The following EYS variants were observed in gnomAD, a reference collection of about 807,000 sequenced individuals.
EYS encodes EGF-like photoreceptor maintenance factor.
A neutral mutation model predicts 282.1 loss-of-function variants in EYS; 250 were observed. The observed-to-expected ratio is 0.89, with a 90% confidence interval of 0.80 to 0.98. The LOEUF (loss-of-function observed/expected upper bound fraction) is 0.98. Among genes scored for constraint, EYS ranks in the 50% least tolerant of loss-of-function variants. The probability of loss-of-function intolerance (pLI) is 0.00; values close to 1 mark genes in which losing one functional copy is unlikely to be tolerated. For synonymous variants in EYS, 1,355 were observed against 1,282.9 expected (o/e 1.06, Z -1.20); for missense variants, 4,016 against 3,709.0 (o/e 1.08, Z -2.15).
At chr6:65,284,223 G>A (rs948064850) in intron 12 of EYS, among the ~76,000 whole-genome samples, 40 of 152,148 alleles carry the variant, frequency 2.6e-4, no homozygotes, top group African/African-American at 9.2e-4. Flanking sequence ...CCAGATAACA[G>A]AAAATCTATC....
At chr6:65,534,951 G>T (rs1041459576) in intron 2 of EYS, among the ~76,000 whole-genome samples, 1 of 152,014 alleles carries the variant, frequency 6.6e-6, no homozygotes, top group Admixed American at 6.6e-5. Flanking sequence ...TCTTTTACAC[G>T]CATCTCATTG....
intron 42 of EYS, 74 bp downstream of exon 42, chr6:63,726,443 GAC>G: frequency 7.9e-7 from 1 of 1,260,690 alleles, no homozygotes; most frequent in Non-Finnish European, 1.1e-6. Flanking sequence ...AATACTAGGT[GAC>G]ACAAACACTA....
At chr6:65,023,238 A>T (rs1772301873) in intron 13 of EYS, among the ~76,000 whole-genome samples, 1 of 152,114 alleles carries the variant, frequency 6.6e-6, no homozygotes, top group South Asian at 2.1e-4. Context: ...TAATTATATT[A>T]ACTGCGGTCA....
At chr6:64,064,111 C>CT (rs1190351809) in intron 33 of EYS, among the ~76,000 whole-genome samples, 1 of 152,154 alleles carries the variant, frequency 6.6e-6, no homozygotes, top group African/African-American at 2.4e-5. Context: ...GGCTAGGTTA[C>CT]TTTTTTAAGC....
At chr6:65,612,854 C>T (rs1766048687) in intron 2 of EYS, among the ~76,000 whole-genome samples, 1 of 151,306 alleles carries the variant, frequency 6.6e-6, no homozygotes, top group Non-Finnish European at 1.5e-5. Flanking sequence ...CATATTTTCC[C>T]TCCTTTTAAG....
chr6:64,858,871 G>A (rs1307756339), intron 19 of EYS, among the ~76,000 whole-genome samples: 1 of 152,058 alleles, frequency 6.6e-6, no homozygotes, highest in Non-Finnish European at 1.5e-5. Context: ...CAAACATATA[G>A]CTAACATCAT....
intron 13 of EYS, among the ~76,000 whole-genome samples, chr6:65,034,165 A>G (rs2150145454): frequency 6.6e-6 from 1 of 152,318 alleles, no homozygotes; most frequent in Non-Finnish European, 1.5e-5. Flanking sequence ...CCCAATGCCT[A>G]TACCCCCATT....
chr6:64,223,124 C>T (rs752994114), intron 31 of EYS, among the ~76,000 whole-genome samples: 1 of 151,920 alleles, frequency 6.6e-6, no homozygotes, highest in Non-Finnish European at 1.5e-5. Flanking sequence ...ACTCCCAGTG[C>T]ACCCCGTCCT....
chr6:65,617,954 G>T (rs1766278055), intron 2 of EYS, among the ~76,000 whole-genome samples: 1 of 151,944 alleles, frequency 6.6e-6, no homozygotes. Flanking sequence ...GTCTATCATT[G>T]TTGGACATTT....
Position 64,886,705 on chromosome 6 carries a change from C to A in EYS, c.2984G>T (p.Gly995Val), listed in dbSNP as rs1203458529. The A allele has an allele frequency of 1.3e-6, 2 of 1,544,054 alleles. No homozygotes were observed. Among genetic ancestry groups the A allele is most frequent in the African/African-American group, 2.8e-5 (2 of 72,462 alleles). ...TDGYNCLCAPGYTGINCEINL... is the reference protein window; with the variant it reads ...TDGYNCLCAPVYTGINCEINL... ...GACAGATATGGATTTACCTGTATAA[C>A]CAGGGGCACAGAGGCAGTTGTATCC... The change falls in exon 19 of 43, where the codon GGT becomes GTT. Residue 995 changes from glycine to valine, a missense_variant. Transcript: ENST00000503581.
In EYS at chr6:64,828,258, A is replaced by G. The variant is rs535423979; in HGVS notation, c.2993-5436T>C. Among the ~76,000 whole-genome samples the G allele has an allele frequency of 2.6e-5, 4 of 152,052 alleles. No homozygotes were observed. The South Asian group carries it at 8.3e-4, about 31-fold the overall frequency. ...AAACAGAAAAGAGCTTCTAAGACAT[A>G]TAGAATAATATCAAAGTTTCTAACT... On this transcript the variant is annotated intron_variant, in intron 19 of 42. Coordinates refer to ENST00000503581, the MANE Select transcript of EYS (RefSeq NM_001142800.2).
chr6:65,486,463 A>C (rs184943865), intron 5 of EYS, among the ~76,000 whole-genome samples: 254 of 152,324 alleles, frequency 1.7e-3, no homozygotes, highest in Non-Finnish European at 3.0e-3. Context: ...TTGATTAAAC[A>C]GCTAAAAAAA....
chr6:65,417,420 T>C (rs1767281545), intron 5 of EYS, among the ~76,000 whole-genome samples: 5 of 152,080 alleles, frequency 3.3e-5, no homozygotes, highest in Admixed American at 2.6e-4. Flanking sequence ...GTTTCTAATG[T>C]GTGACTCTCA....
intron 35 of EYS, among the ~76,000 whole-genome samples, chr6:63,905,099 T>A (rs1404207720): frequency 6.6e-6 from 1 of 152,218 alleles, no homozygotes; most frequent in Admixed American, 6.5e-5. Flanking sequence ...ATCTGCTTTC[T>A]GTTTCTATGG....
chr6:63,940,976 T>G (rs2149757936), intron 35 of EYS, among the ~76,000 whole-genome samples: 1 of 152,186 alleles, frequency 6.6e-6, no homozygotes, highest in Non-Finnish European at 1.5e-5. Context: ...GAATGATGAT[T>G]TCCAGCTTCA....
chr6:63,848,219 A>G (rs542237377), intron 36 of EYS, among the ~76,000 whole-genome samples: 1 of 151,870 alleles, frequency 6.6e-6, no homozygotes, highest in African/African-American at 2.4e-5. Context: ...AGTTTTAGTC[A>G]CTCTTCTGCA....
intron 30 of EYS, among the ~76,000 whole-genome samples, chr6:64,270,485 T>A (rs191008837): frequency 1.3e-5 from 2 of 152,160 alleles, no homozygotes; most frequent in East Asian, 3.9e-4. Flanking sequence ...TAACTACACA[T>A]TATTAAAAAT....
At chr6:63,773,592 G>T (rs1273363735) in intron 40 of EYS, among the ~76,000 whole-genome samples, 1 of 152,214 alleles carries the variant, frequency 6.6e-6, no homozygotes, top group Non-Finnish European at 1.5e-5. Context: ...TGCTGCATTG[G>T]CAGTGGAAAA....
intron 22 of EYS, among the ~76,000 whole-genome samples, chr6:64,739,116 G>T (rs57077169): frequency 0.1 from 15,364 of 152,086 alleles, 1,027 homozygotes; most frequent in East Asian, 0.24. Flanking sequence ...TACTGAGCTG[G>T]ACCTCTATAG....
Sources: allele counts gnomAD v4.1 joint callset (sites outside exome capture counted in the v4.1 genomes callset), GRCh38; gene constraint gnomAD v4.1.1; transcripts MANE v1.5; gene names NCBI Gene and HGNC (gene_info 2026-07-23, HGNC 2026-07-21).